The following CDK12 variants were observed in gnomAD, a reference collection of about 807,000 sequenced individuals.
The protein encoded by CDK12 is cyclin-dependent kinase 12.
Under a neutral mutation model 133.8 loss-of-function variants are expected in CDK12, and 17 were observed. That is an observed-to-expected ratio of 0.13 (90% CI 0.09 to 0.19). CDK12 has a LOEUF of 0.19. Among genes scored for constraint, CDK12 ranks in the 10% least tolerant of loss-of-function variants. CDK12 has a pLI of 1.00. For synonymous variants in CDK12, 694 were observed against 683.6 expected, an observed-to-expected ratio of 1.02 and a Z score of -0.24; for missense variants, 1,508 against 1,818.7, an observed-to-expected ratio of 0.83 and a Z score of 3.11.
intron 2 of CDK12, among the ~76,000 whole-genome samples, chr17:39,483,937 G>A (rs1175378000): frequency 6.6e-6 from 1 of 151,890 alleles, no homozygotes; most frequent in Non-Finnish European, 1.5e-5. Context: ...GCTGCCTCCA[G>A]GTTCAAGTGA....
At chr17:39,482,553 TG>T (rs1567708213) in intron 2 of CDK12, among the ~76,000 whole-genome samples, 1 of 151,690 alleles carries the variant, frequency 6.6e-6, no homozygotes, top group Non-Finnish European at 1.5e-5. Context: ...TTTTCTGTAT[TG>T]TTACGGTTTT....
At chr17:39,479,967 A>G (rs1263870680) in intron 2 of CDK12, among the ~76,000 whole-genome samples, 1 of 147,730 alleles carries the variant, frequency 6.8e-6, no homozygotes, top group Non-Finnish European at 1.5e-5. Context: ...CTTGTTGCCC[A>G]GGCTGGAGTG....
intron 5 of CDK12, among the ~76,000 whole-genome samples, chr17:39,498,521 C>G (rs1417600439): frequency 6.6e-6 from 1 of 152,134 alleles, no homozygotes; most frequent in Non-Finnish European, 1.5e-5. Flanking sequence ...CCGCGCCCGG[C>G]CATCCTTCTC....
intron 2 of CDK12, among the ~76,000 whole-genome samples, chr17:39,479,348 A>C (rs2050460493): frequency 1.3e-5 from 2 of 149,524 alleles, no homozygotes; most frequent in Admixed American, 6.7e-5. Context: ...TTTTGTAAGG[A>C]GCTCACTTAT....
chr17:39,466,181 A>G (rs2049289821), intron 1 of CDK12, among the ~76,000 whole-genome samples: 1 of 151,332 alleles, frequency 6.6e-6, no homozygotes. Context: ...GGTGGCATGC[A>G]CCTATAATCC....
Position 39,532,111 on chromosome 17 carries a change from TCTCTC to T in CDK12, c.*796_*800del. On this transcript the variant is annotated 3_prime_UTR_variant, in exon 14 of 14. Transcript: ENST00000447079. ...TGCTCTCTCTCTCTCTTTCTCTCTC[TCTCTC>T]TCTCTCTCTCTCTCTCTCTCTCTCT... The T allele has an allele frequency of 1.2e-5, 2 of 165,952 alleles. No homozygotes were observed. Among genetic ancestry groups the T allele is most frequent in the East Asian group, 9.3e-5 (1 of 10,748 alleles). The allele number at this position is 165,952 out of a possible 1,614,324, so 10.3% of individuals were successfully genotyped here. A position where few individuals can be genotyped will look rare whatever the true frequency, so the allele number is the denominator to read the frequency against.
Position 39,492,599 on chromosome 17 carries a change from C to T in CDK12, c.2109-152C>T, listed in dbSNP as rs1344006702. The T allele has an allele frequency of 2.3e-5, 11 of 487,196 alleles. No homozygotes were observed. In the Admixed American group the frequency reaches 2.3e-4, roughly 10 times the overall value. 30.2% of individuals were successfully genotyped at this position (487,196 alleles called of 1,614,324 possible). A position where few individuals can be genotyped will look rare whatever the true frequency, so the allele number is the denominator to read the frequency against. On this transcript the variant is annotated intron_variant, in intron 3 of 13. Coordinates refer to ENST00000447079, the MANE Select transcript of CDK12 (RefSeq NM_016507.4). Reference sequence around the variant, plus strand: ...ATTTTTGTATTTTTTTTAGTAAAGACGGGGTTTCACCATGTTAGCCAGGAT... The same window carrying T: ...ATTTTTGTATTTTTTTTAGTAAAGATGGGGTTTCACCATGTTAGCCAGGAT...
intron 10 of CDK12, among the ~76,000 whole-genome samples, chr17:39,517,772 A>G (rs563930390): frequency 6.6e-6 from 1 of 152,232 alleles, no homozygotes; most frequent in South Asian, 2.1e-4. Flanking sequence ...TTTATTTTGA[A>G]CAATATATAA....
downstream of CDK12, among the ~76,000 whole-genome samples, chr17:39,565,496 T>C (rs527659345): frequency 5.9e-5 from 9 of 151,980 alleles, 1 homozygote; most frequent in East Asian, 1.7e-3. Flanking sequence ...TACAATGGCA[T>C]GATCCCAGCT....
intron 2 of CDK12, among the ~76,000 whole-genome samples, chr17:39,552,313 C>T (rs909456947): frequency 9.2e-5 from 14 of 152,198 alleles, no homozygotes; most frequent in Non-Finnish European, 2.1e-4. Context: ...GGAAGATTCT[C>T]TTGTTGGGAG....
rs77630214 is a variant in CDK12 at position 39,463,557 on chromosome 17, A to G, written c.1046+440A>G. ...GGAAGTTACTTGCCTAGTTTATCCT[A>G]TTTGTGTTGTCCACTGAATCCCCAA... On this transcript the variant is annotated intron_variant, in intron 1 of 13. Transcript: ENST00000447079. 7.6e-3 allele frequency among the ~76,000 whole-genome samples: 1,157 copies of G among 152,172 alleles called. 18 individuals carry two copies. The highest frequency in any genetic ancestry group is 0.026 in the African/African-American group (1,094 of 41,500).
At chr17:39,466,783 G>A (rs1051648105) in intron 1 of CDK12, among the ~76,000 whole-genome samples, 3 of 151,686 alleles carry the variant, frequency 2.0e-5, no homozygotes, top group African/African-American at 7.3e-5. Context: ...ACACATGCAC[G>A]CTTTTAGTTG....
chr17:39,490,995 C>CT (rs1463808820), intron 3 of CDK12, among the ~76,000 whole-genome samples: 1 of 151,900 alleles, frequency 6.6e-6, no homozygotes, highest in African/African-American at 2.4e-5. Flanking sequence ...CTCATTATGT[C>CT]TTTTTTATTC....
intron 10 of CDK12, among the ~76,000 whole-genome samples, chr17:39,518,100 C>G (rs1567769477): frequency 6.6e-6 from 1 of 151,948 alleles, no homozygotes; most frequent in Non-Finnish European, 1.5e-5. Flanking sequence ...GCCTCAGCCT[C>G]CCAATGTAGT....
intron 5 of CDK12, among the ~76,000 whole-genome samples, chr17:39,499,208 CTT>C (rs751699241): frequency 4.0e-4 from 5 of 12,432 alleles, no homozygotes; most frequent in Admixed American, 1.4e-3. Flanking sequence ...TCTTTCTTTC[CTT>C]TTTTTTTTTT....
At chr17:39,536,033 GTAGGAACACCTCCA>G (rs1204055267), downstream of CDK12, among the ~76,000 whole-genome samples, 1 of 152,106 alleles carries the variant, frequency 6.6e-6, no homozygotes, top group Non-Finnish European at 1.5e-5. Context: ...GTTCTTATCT[GTAGGAACACCTCCA>G]GTGTTCCTAA....
intron 11 of CDK12, among the ~76,000 whole-genome samples, chr17:39,521,680 C>T (rs1401773279): frequency 6.6e-6 from 1 of 151,970 alleles, no homozygotes; most frequent in Non-Finnish European, 1.5e-5. Context: ...CTGTCCCAGC[C>T]TACTGAGTAG....
intron 2 of CDK12, among the ~76,000 whole-genome samples, chr17:39,480,203 G>A (rs983282553): frequency 1.3e-5 from 2 of 151,124 alleles, no homozygotes; most frequent in Admixed American, 6.6e-5. Context: ...GGATATAGGC[G>A]CGAGCCACCG....
At chr17:39,513,977 GTC>G (rs2053642976) in intron 8 of CDK12, among the ~76,000 whole-genome samples, 1 of 151,294 alleles carries the variant, frequency 6.6e-6, no homozygotes, top group Admixed American at 6.6e-5. Context: ...TTTTTTAAAT[GTC>G]TCTGATTTTA....
Sources: allele counts gnomAD v4.1 joint callset (sites outside exome capture counted in the v4.1 genomes callset), GRCh38; gene constraint gnomAD v4.1.1; transcripts MANE v1.5; gene names NCBI Gene and HGNC (gene_info 2026-07-23, HGNC 2026-07-21).